Variants in MAGI3 observed in about 807,000 individuals in gnomAD.
The protein encoded by MAGI3 is membrane-associated guanylate kinase, WW and PDZ domain-containing protein 3.
Under a neutral mutation model 121.8 loss-of-function variants are expected in MAGI3, and 43 were observed. That is an observed-to-expected ratio of 0.35 (90% confidence interval 0.28 to 0.46). MAGI3 has a LOEUF of 0.46. MAGI3 is among the 20% of genes least tolerant of loss of function. MAGI3 has a pLI of 1.00. For missense variants in MAGI3, 1,547 were observed against 1,797.3 expected, an observed-to-expected ratio of 0.86 and a Z score of 2.52; for synonymous variants, 553 against 639.3, an observed-to-expected ratio of 0.86 and a Z score of 2.04.
intron 19 of MAGI3, among the ~76,000 whole-genome samples, chr1:113,677,764 C>A (rs1647968248): frequency 6.6e-6 from 1 of 151,994 alleles, no homozygotes. Context: ...TTTCCTCTCT[C>A]TTCTCTGTCC....
At position 113,391,007 on chromosome 1, in the gene MAGI3, C is replaced by T. The variant is rs1650760183; in HGVS notation, c.-27C>T. The T allele has an allele frequency of 2.0e-6, 3 of 1,522,088 alleles. No individual in the cohort carries two copies. Among genetic ancestry groups the T allele is most frequent in the Non-Finnish European group, 2.6e-6 (3 of 1,139,256 alleles). 94.3% of individuals were successfully genotyped at this position (1,522,088 alleles called of 1,614,324 possible). A position where few individuals can be genotyped will look rare whatever the true frequency, so the allele number is the denominator to read the frequency against. On this transcript the variant is annotated 5_prime_UTR_variant, in exon 1 of 21. Transcript: ENST00000307546. The surrounding 1 kb of genome is among the most constrained non-coding windows in gnomAD (Gnocchi z 4.4). ...GGCGCCCCGGCCGCCCGCGCGGGGTCTCCCCCATGGTGCAGCGGGGTTCGG... is the reference window on the plus strand; with the variant it reads ...GGCGCCCCGGCCGCCCGCGCGGGGTTTCCCCCATGGTGCAGCGGGGTTCGG...
At chr1:113,600,433 C>G (rs1039978810) in intron 6 of MAGI3, among the ~76,000 whole-genome samples, 16 of 150,988 alleles carry the variant, frequency 1.1e-4, no homozygotes, top group South Asian at 6.3e-4. Flanking sequence ...CAATAACAGA[C>G]AAACAGAGAG....
At chr1:113,626,436 A>G (rs1359025067) in intron 9 of MAGI3, among the ~76,000 whole-genome samples, 1 of 151,954 alleles carries the variant, frequency 6.6e-6, no homozygotes, top group African/African-American at 2.4e-5. Context: ...TTTTTTTGAT[A>G]TGTCTTTGAT....
chr1:113,534,249 T>C lies in MAGI3; in HGVS notation c.317-15266T>C, dbSNP rs79015989. On this transcript the variant is annotated intron_variant, in intron 1 of 20. Coordinates refer to ENST00000307546, the MANE Select transcript of MAGI3 (RefSeq NM_001142782.2). ...TGTTCTGCTTTTCCCATAGTCCACA[T>C]TGTTGCCAGAATGATCCATCTAAAA... 5.3e-4 allele frequency among the ~76,000 whole-genome samples: 81 copies of C among 152,348 alleles called. 1 individual carries two copies. The East Asian group carries it at 0.013, about 25-fold the overall frequency.
intron 19 of MAGI3, among the ~76,000 whole-genome samples, chr1:113,677,270 G>A (rs780010370): frequency 4.6e-5 from 7 of 152,138 alleles, no homozygotes; most frequent in African/African-American, 1.7e-4. Flanking sequence ...TTAAGTGTTT[G>A]CTGTCTTTGA....
At chr1:113,496,124 GCTT>G (rs1183242458) in intron 1 of MAGI3, among the ~76,000 whole-genome samples, 9 of 151,974 alleles carry the variant, frequency 5.9e-5, no homozygotes, top group African/African-American at 1.7e-4. Flanking sequence ...GCTTTAATTT[GCTT>G]CTTTTTTGCT....
chr1:113,651,890 G>A (rs1653190568), intron 14 of MAGI3, among the ~76,000 whole-genome samples: 1 of 152,136 alleles, frequency 6.6e-6, no homozygotes, highest in South Asian at 2.1e-4. Context: ...GGATCCCAGT[G>A]AAATCTGAGC....
intron 1 of MAGI3, among the ~76,000 whole-genome samples, chr1:113,497,577 C>T (rs1439951333): frequency 2.3e-4 from 2 of 8,862 alleles, no homozygotes; most frequent in Non-Finnish European, 4.7e-4. Context: ...CACGGAATCT[C>T]GCTGATTGCT....
intron 9 of MAGI3, among the ~76,000 whole-genome samples, chr1:113,639,555 C>G (rs1652312917): frequency 6.6e-6 from 1 of 152,024 alleles, no homozygotes; most frequent in African/African-American, 2.4e-5. Context: ...GCGCACGCCA[C>G]CATGCCTGGC....
At chr1:113,463,722 G>C (rs1223048181) in intron 1 of MAGI3, among the ~76,000 whole-genome samples, 1 of 152,018 alleles carries the variant, frequency 6.6e-6, no homozygotes, top group East Asian at 1.9e-4. Context: ...CCACTTTAGA[G>C]GATTGAGAGG....
At chr1:113,668,328 A>G (rs1038062039) in intron 16 of MAGI3, among the ~76,000 whole-genome samples, 7 of 152,194 alleles carry the variant, frequency 4.6e-5, no homozygotes, top group African/African-American at 7.2e-5. Flanking sequence ...ATCGAAGGAG[A>G]GATATACTTA....
intron 2 of MAGI3, among the ~76,000 whole-genome samples, chr1:113,565,291 A>G (rs1220716891): frequency 6.6e-6 from 1 of 152,256 alleles, no homozygotes; most frequent in Admixed American, 6.5e-5. Context: ...ATCCAAAAAC[A>G]TCCTCATATC....
intron 1 of MAGI3, among the ~76,000 whole-genome samples, chr1:113,510,695 A>C (rs1393129374): frequency 6.6e-6 from 1 of 152,108 alleles, no homozygotes; most frequent in Non-Finnish European, 1.5e-5. Context: ...GAAATTCTAA[A>C]CTCTAGCATG....
chr1:113,668,606 C>T (rs1438796337), intron 16 of MAGI3, among the ~76,000 whole-genome samples: 6 of 121,942 alleles, frequency 4.9e-5, no homozygotes, highest in African/African-American at 1.3e-4. Context: ...GACGGAGTCT[C>T]GCTCTGTCGC....
intron 6 of MAGI3, among the ~76,000 whole-genome samples, chr1:113,598,056 ACAAAAATTAGC>A (rs1302051444): frequency 6.6e-6 from 1 of 152,114 alleles, no homozygotes; most frequent in Non-Finnish European, 1.5e-5. Context: ...TACTAAAAAT[ACAAAAATTAGC>A]CAGACATGGT....
At chr1:113,674,568 G>T (rs530544878) in intron 19 of MAGI3, among the ~76,000 whole-genome samples, 1 of 152,034 alleles carries the variant, frequency 6.6e-6, no homozygotes, top group South Asian at 2.1e-4. Flanking sequence ...TCAGAGAAAA[G>T]GAACTTTTTT....
intron 15 of MAGI3, 78 bp from the exon 16 acceptor site, chr1:113,659,002 T>C: frequency 8.3e-7 from 1 of 1,203,966 alleles, no homozygotes; most frequent in Non-Finnish European, 1.2e-6. Flanking sequence ...ATGTTGAATT[T>C]TAAATGACGT....
intron 16 of MAGI3, among the ~76,000 whole-genome samples, chr1:113,669,167 C>T (rs1374958391): frequency 1.3e-5 from 2 of 152,146 alleles, no homozygotes; most frequent in Non-Finnish European, 1.5e-5. Context: ...GAATTTACAG[C>T]GACCGAAGAC....
At chr1:113,647,484 A>T (rs553402250) in intron 12 of MAGI3, among the ~76,000 whole-genome samples, 2 of 152,330 alleles carry the variant, frequency 1.3e-5, no homozygotes, top group Admixed American at 6.5e-5. Flanking sequence ...TCCTTACAGG[A>T]GTCCAGCTGA....
Sources: allele counts gnomAD v4.1 joint callset (sites outside exome capture counted in the v4.1 genomes callset), GRCh38; gene constraint gnomAD v4.1.1; non-coding constraint Gnocchi (gnomAD v3.1); transcripts MANE v1.5; gene names NCBI Gene and HGNC (gene_info 2026-07-23, HGNC 2026-07-21).